The following AGBL4 variants were observed in gnomAD, a reference collection of about 807,000 sequenced individuals.
The protein encoded by AGBL4 is cytosolic carboxypeptidase 6.
Under a neutral mutation model 66.4 loss-of-function variants are expected in AGBL4, and 58 were observed. The observed-to-expected ratio is 0.87, with a 90% CI of 0.71 to 1.09. The LOEUF is 1.09. AGBL4 is among the 50% of genes least tolerant of loss of function. The pLI, the probability that AGBL4 is intolerant of heterozygous loss-of-function variation, is 0.00. For synonymous variants in AGBL4, 234 were observed against 222.9 expected (o/e 1.05, Z -0.44); for missense variants, 579 against 631.0 (o/e 0.92, Z 0.88).
intron 3 of AGBL4, among the ~76,000 whole-genome samples, chr1:49,333,881 C>G (rs1300845211): frequency 6.6e-6 from 1 of 152,096 alleles, no homozygotes; most frequent in East Asian, 1.9e-4. Flanking sequence ...ATTTATAAAA[C>G]CCTATCATAA....
intron 6 of AGBL4, among the ~76,000 whole-genome samples, chr1:48,759,984 T>A (rs1204149383): frequency 6.6e-6 from 1 of 152,162 alleles, no homozygotes; most frequent in Non-Finnish European, 1.5e-5. Context: ...TTTAACTGCC[T>A]CATGTTACAG....
chr1:48,980,527 C>T (rs1659663316), intron 5 of AGBL4, among the ~76,000 whole-genome samples: 1 of 151,682 alleles, frequency 6.6e-6, no homozygotes, highest in South Asian at 2.1e-4. Flanking sequence ...CTAAAACACA[C>T]ATTTTTAAAA....
Position 49,877,591 on chromosome 1 carries a change from G to T in AGBL4, c.35-26073C>A, listed in dbSNP as rs559589128. On this transcript the variant is annotated intron_variant, in intron 1 of 13. Coordinates refer to ENST00000371839, the MANE Select transcript of AGBL4 (RefSeq NM_032785.4). ...TTTTATTGAGGATTTTTGCATCGAT[G>T]TTCATCAAGGATATTGGTCTAAAAT... Among the ~76,000 whole-genome samples the T allele has an allele frequency of 2.6e-4, 40 of 152,172 alleles. 1 individual carries two copies. The highest frequency in any genetic ancestry group is 9.2e-4 in the Admixed American group (14 of 15,288).
intron 11 of AGBL4, among the ~76,000 whole-genome samples, chr1:48,563,530 T>C (rs150697791): frequency 6.8e-4 from 101 of 149,070 alleles, no homozygotes; most frequent in Admixed American, 1.5e-3. Context: ...AGAGAGAGAA[T>C]TAAAAGAGAT....
chr1:49,432,100 C>A (rs1463818383), intron 3 of AGBL4, among the ~76,000 whole-genome samples: 2 of 152,128 alleles, frequency 1.3e-5, no homozygotes, highest in Non-Finnish European at 2.9e-5. Flanking sequence ...AACTCCATAA[C>A]CCTCCGTGAT....
At chr1:49,518,647 G>A (rs1037862200) in intron 3 of AGBL4, among the ~76,000 whole-genome samples, 1 of 151,930 alleles carries the variant, frequency 6.6e-6, no homozygotes, top group Non-Finnish European at 1.5e-5. Flanking sequence ...GCCTTATTCA[G>A]TTTAAGGAAT....
At chr1:49,754,525 T>C (rs4926830) in intron 2 of AGBL4, among the ~76,000 whole-genome samples, 103,761 of 151,982 alleles carry the variant, frequency 0.68, 36,139 homozygotes, top group African/African-American at 0.77. Context: ...GTGCAGCCTG[T>C]GCAACAGCAA....
At chr1:49,655,683 A>C (rs1285079501) in intron 3 of AGBL4, among the ~76,000 whole-genome samples, 1 of 152,238 alleles carries the variant, frequency 6.6e-6, no homozygotes, top group Non-Finnish European at 1.5e-5. Flanking sequence ...AGCTAGCAGA[A>C]GGCAAGAAAT....
intron 3 of AGBL4, among the ~76,000 whole-genome samples, chr1:49,659,027 A>T (rs1237903031): frequency 6.6e-6 from 1 of 152,132 alleles, no homozygotes; most frequent in African/African-American, 2.4e-5. Context: ...AAAAAGAAAA[A>T]AAATTTTCAA....
intron 2 of AGBL4, among the ~76,000 whole-genome samples, chr1:49,739,463 C>G (rs574326093): frequency 6.6e-6 from 1 of 152,256 alleles, no homozygotes; most frequent in Non-Finnish European, 1.5e-5. Context: ...AGAATGGAAA[C>G]AAGTTGGAAA....
chr1:49,347,365 C>T (rs1439161551), intron 3 of AGBL4, among the ~76,000 whole-genome samples: 2 of 151,360 alleles, frequency 1.3e-5, no homozygotes, highest in East Asian at 4.0e-4. Context: ...CATTCTCCTG[C>T]CTCAGCCTCC....
At chr1:48,871,926 C>T (rs1204446091) in intron 5 of AGBL4, among the ~76,000 whole-genome samples, 2 of 152,118 alleles carry the variant, frequency 1.3e-5, no homozygotes, top group African/African-American at 2.4e-5. Context: ...TAATTAGACA[C>T]CTTACTCAAG....
intron 3 of AGBL4, among the ~76,000 whole-genome samples, chr1:49,611,786 A>G (rs1041669323): frequency 6.6e-6 from 1 of 152,182 alleles, no homozygotes; most frequent in African/African-American, 2.4e-5. Flanking sequence ...GAGTAGATGT[A>G]AAATCTCAAG....
intron 3 of AGBL4, among the ~76,000 whole-genome samples, chr1:49,565,129 C>A (rs1043394454): frequency 6.6e-6 from 1 of 152,030 alleles, no homozygotes; most frequent in South Asian, 2.1e-4. Context: ...GATTGCAACC[C>A]CTGCCTTTTT....
chr1:49,425,545 G>C (rs1293546084), intron 3 of AGBL4, among the ~76,000 whole-genome samples: 1 of 152,068 alleles, frequency 6.6e-6, no homozygotes, highest in African/African-American at 2.4e-5. Context: ...CTCAATACTA[G>C]CTTTCGGACC....
chr1:49,295,637 A>G (rs1019778455), intron 3 of AGBL4, among the ~76,000 whole-genome samples: 1 of 152,156 alleles, frequency 6.6e-6, no homozygotes, highest in Non-Finnish European at 1.5e-5. Context: ...CAGACTTCCT[A>G]ATTTCAAGTG....
At position 48,653,321 on chromosome 1, in the gene AGBL4, C is replaced by A. The variant is rs371497308; in HGVS notation, c.839+16G>T. ...CTATAAGTACTTGCTTCCAAGCATT[C>A]TCCCCAATTCCTTACCTGTAATTGC... On this transcript the variant is annotated intron_variant, in intron 8 of 13. Transcript: ENST00000371839. 7.2e-5 allele frequency: 111 copies of A among 1,538,106 alleles called. No individual in the cohort carries two copies. The highest frequency in any genetic ancestry group is 9.6e-5 in the Non-Finnish European group (109 of 1,134,492).
chr1:48,804,095 G>C (rs1401151964), intron 6 of AGBL4, among the ~76,000 whole-genome samples: 1 of 152,102 alleles, frequency 6.6e-6, no homozygotes, highest in Non-Finnish European at 1.5e-5. Flanking sequence ...ACAAACACTA[G>C]CTCTTATTAT....
chr1:49,718,274 C>T (rs1189781477), intron 2 of AGBL4, among the ~76,000 whole-genome samples: 1 of 151,920 alleles, frequency 6.6e-6, no homozygotes, highest in African/African-American at 2.4e-5. Flanking sequence ...AGTGTAGCAT[C>T]TCACCATTTC....
Sources: gnomAD v4.1 joint callset for allele counts (sites outside exome capture counted in the v4.1 genomes callset) on GRCh38, gnomAD v4.1.1 for gene constraint, MANE v1.5 for transcripts, NCBI Gene and HGNC (gene_info 2026-07-23, HGNC 2026-07-21) for gene names.